The following LATS1 variants were observed in gnomAD, a reference collection of about 807,000 sequenced individuals.
LATS1 encodes serine/threonine-protein kinase LATS1.
In LATS1, 25 loss-of-function variants were observed where a neutral mutation model predicts 106.6. The observed-to-expected ratio is 0.23, with a 90% confidence interval of 0.17 to 0.33. The LOEUF (loss-of-function observed/expected upper bound fraction) is 0.33. LATS1 is among the 10% of genes least tolerant of loss of function. The pLI is 1.00. For synonymous variants in LATS1, 465 were observed against 455.6 expected (o/e 1.02, Z -0.26); for missense variants, 1,040 against 1,382.6 (o/e 0.75, Z 3.93).
At chr6:149,677,568 T>C (rs1347251672) in intron 5 of LATS1, among the ~76,000 whole-genome samples, 2 of 152,072 alleles carry the variant, frequency 1.3e-5, no homozygotes, top group African/African-American at 2.4e-5. Context: ...TTATGGGTCA[T>C]GTGAAGTTTG....
chr6:149,691,991 T>C (rs2114883557), intron 3 of LATS1, among the ~76,000 whole-genome samples: 1 of 152,318 alleles, frequency 6.6e-6, no homozygotes. Context: ...AATTCATTTA[T>C]TTTCTTCACT....
At position 149,660,354 on chromosome 6, in the gene LATS1, T is replaced by C. The variant is rs1473567560; in HGVS notation, c.*1375A>G. 4.3e-6 allele frequency: 1 copy of C among 232,978 alleles called. No homozygotes were observed. The highest frequency in any genetic ancestry group is 2.2e-5 in the African/African-American group (1 of 45,342). 14.4% of individuals were successfully genotyped at this position (232,978 alleles called of 1,614,324 possible). ...CCAATTCAACTGCAACAGCTCTGCC[T>C]TTAATTTTACTACATATACGGTTTC... On this transcript the variant is annotated 3_prime_UTR_variant, in exon 8 of 8. Transcript: ENST00000543571.
rs1434136178 is a variant in LATS1, at chr6:149,683,644, G to C, written c.1445C>G (p.Ser482Cys). ...RASHSANSQP[S>C]ATTVTAITPA... ...TGTAATTGCAGTGACTGTTGTAGCA[G>C]AAGGCTGAGAATTAGCAGAGTGACT... The change falls in exon 4 of 8, where the codon TCT becomes TGT. Residue 482 changes from serine (S) to cysteine (C), a missense_variant. Ser to Cys is a moderately radical substitution (Grantham distance 112). Around this residue, in one of 7 missense-constraint regions of LATS1, gnomAD observed 624 missense variants for 714.8 expected, o/e 0.87. Transcript: ENST00000543571. 6.2e-7 allele frequency: 1 copy of C among 1,614,182 alleles called. No individual in the cohort carries two copies. The highest frequency in any genetic ancestry group is 8.5e-7 in the Non-Finnish European group (1 of 1,180,032).
rs1337295247 is a variant in LATS1, at chr6:149,660,581, T to G, written c.*1148A>C. 1.7e-5 allele frequency: 4 copies of G among 232,706 alleles called. No homozygotes were observed. The highest frequency in any genetic ancestry group is 8.8e-5 in the African/African-American group (4 of 45,336). The allele number at this position is 232,706 out of a possible 1,614,324, so 14.4% of individuals were successfully genotyped here. ...AAGATAAGCTACATGTATTTTGGTA[T>G]GAAACCTTAATCTTCCTTAGAACCT... On this transcript the variant is annotated 3_prime_UTR_variant, in exon 8 of 8. Transcript: ENST00000543571.
intron 3 of LATS1, among the ~76,000 whole-genome samples, chr6:149,686,994 G>A (rs1025870901): frequency 1.3e-5 from 2 of 151,972 alleles, no homozygotes; most frequent in Admixed American, 6.6e-5. Context: ...AGGTTTATAC[G>A]CTTATACTCC....
Position 149,683,280 on chromosome 6 carries a change from C to A in LATS1, c.1809G>T (p.Gly603=), listed in dbSNP as rs1204395908. ...SEKSYENVDS[G]DKEKKQITTS... ...TTGTAATCTGTTTCTTTTCTTTATC[C>A]CCACTATCAACATTTTCATAACTCT... Residue 603 remains glycine, a synonymous_variant, in exon 4 of 8, where the codon GGG becomes GGT. Transcript: ENST00000543571. 3 of 1,613,890 alleles carry A rather than the reference C, an allele frequency of 1.9e-6. No individual in the cohort carries two copies. The highest frequency in any genetic ancestry group is 1.3e-5 in the African/African-American group (1 of 74,964).
intron 1 of LATS1, among the ~76,000 whole-genome samples, chr6:149,715,522 T>C (rs901549184): frequency 7.2e-5 from 11 of 152,348 alleles, no homozygotes; most frequent in Non-Finnish European, 1.5e-4. Flanking sequence ...ATGTTCATTT[T>C]ATTATGCCTC....
chr6:149,696,559 TAAAAAAAA>T lies in LATS1; in HGVS notation c.349-1346_349-1339del, dbSNP rs372769091. The stretch of plus-strand genomic sequence containing the variant: ...GGGCAACAAGAGTAAAACTCCGTCT[TAAAAAAAA>T]AAAAAAAAAAAAAAAAAAAGAACTA... On this transcript the variant is annotated intron_variant, in intron 2 of 7. Coordinates refer to ENST00000543571, the MANE Select transcript of LATS1 (RefSeq NM_004690.4). Among the ~76,000 whole-genome samples, 62 of 45,818 alleles carry T rather than the reference TAAAAAAAA, an allele frequency of 1.4e-3. 1 individual carries two copies. Among genetic ancestry groups the T allele is most frequent in the African/African-American group, 5.1e-3 (57 of 11,090 alleles). 30.1% of individuals were successfully genotyped at this position (45,818 alleles called of 152,430 possible). A position where few individuals can be genotyped will look rare whatever the true frequency, so the allele number is the denominator to read the frequency against.
chr6:149,690,292 C>T (rs1782667793), intron 3 of LATS1, among the ~76,000 whole-genome samples: 1 of 149,510 alleles, frequency 6.7e-6, no homozygotes, highest in South Asian at 2.1e-4. Flanking sequence ...CGGCTCACCG[C>T]AATCTCTGCC....
rs752427484 is a variant in LATS1 at position 149,676,721 on chromosome 6, T to C, written c.2610A>G (p.Gln870=). 7 of 1,612,526 alleles carry C rather than the reference T, an allele frequency of 4.3e-6. No individual in the cohort carries two copies. The South Asian group carries it at 7.7e-5, about 18-fold the overall frequency. ...KYYQSGDHPR[Q]DSMDFSNEWG... Reference sequence around the variant, plus strand: ...ATTCATTACTGAAATCCATGCTATCTTGCCGTGGATGGTCACCTGCACAAC... The same window carrying C: ...ATTCATTACTGAAATCCATGCTATCCTGCCGTGGATGGTCACCTGCACAAC... The change falls in exon 6 of 8, where the codon CAA becomes CAG. Residue 870 remains glutamine (Q), a synonymous_variant. Coordinates refer to ENST00000543571, the MANE Select transcript of LATS1 (RefSeq NM_004690.4).
chr6:149,717,162 A>T (rs867191148), intron 1 of LATS1, among the ~76,000 whole-genome samples: 5 of 152,226 alleles, frequency 3.3e-5, no homozygotes, highest in South Asian at 4.1e-4. Context: ...ATATGAGTTG[A>T]CAAACATTAA....
At chr6:149,714,075 G>A (rs552186348) in intron 1 of LATS1, among the ~76,000 whole-genome samples, 1 of 151,566 alleles carries the variant, frequency 6.6e-6, no homozygotes, top group South Asian at 2.1e-4. Flanking sequence ...AAGTTCAAGT[G>A]ATTCTCATGC....
In LATS1 at chr6:149,684,114, A is replaced by G. The variant is rs56246065; in HGVS notation, c.975T>C (p.Val325=). ...TCTGCATGATGATTGGTTGTCTGCC[A>G]ACAGGAACAGAACTAATGCCTCTCT... is the stretch of plus-strand genomic sequence containing the variant. The part of the protein sequence containing the change: ...QGQRGISSVP[V]GRQPIIMQSS... Residue 325 remains valine (V), a synonymous_variant, in exon 4 of 8, where the codon GTT becomes GTC. Coordinates refer to ENST00000543571, the MANE Select transcript of LATS1 (RefSeq NM_004690.4). 0.019 allele frequency: 30,524 copies of G among 1,614,232 alleles called. 339 individuals are homozygous for G. The highest frequency in any genetic ancestry group is 0.021 in the Non-Finnish European group (25,159 of 1,180,026).
Position 149,702,072 on chromosome 6 carries a change from GA to G in LATS1, c.54del (p.Pro19LeufsTer36). On this transcript the variant is annotated frameshift_variant, in exon 2 of 8. Coordinates refer to ENST00000543571, the MANE Select transcript of LATS1 (RefSeq NM_004690.4). LOFTEE classifies it high-confidence loss of function. Reference sequence around the variant, plus strand: ...CTACTGACAGTATAGTTACTGGCAGGAAAGGTCTTAGGCCTCATTTGTCTAT... The same window carrying G: ...CTACTGACAGTATAGTTACTGGCAGGAAGGTCTTAGGCCTCATTTGTCTAT... ...EGYRQMRPKTFPASNYTVSSR... is the reference protein window; with the variant it reads ...EGYRQMRPKTXPASNYTVSSR... 1.9e-6 allele frequency: 3 copies of G among 1,614,074 alleles called. No individual in the cohort carries two copies. The highest frequency in any genetic ancestry group is 2.5e-6 in the Non-Finnish European group (3 of 1,180,022).
intron 1 of LATS1, among the ~76,000 whole-genome samples, chr6:149,709,668 CTT>C (rs142425039): frequency 1.3e-4 from 10 of 75,502 alleles, no homozygotes; most frequent in African/African-American, 4.9e-4. Context: ...AACCCCTTAT[CTT>C]TTTTTTTTTT....
intron 2 of LATS1, among the ~76,000 whole-genome samples, chr6:149,698,184 G>A (rs1783207968): frequency 6.6e-6 from 1 of 151,468 alleles, no homozygotes; most frequent in Non-Finnish European, 1.5e-5. Context: ...TTAAGTGGAG[G>A]TGTTAGTGCC....
intron 3 of LATS1, among the ~76,000 whole-genome samples, chr6:149,692,705 G>A (rs139355020): frequency 2.7e-5 from 4 of 146,844 alleles, no homozygotes; most frequent in Non-Finnish European, 6.0e-5. Flanking sequence ...AGGGAGTTTC[G>A]ATCTTGTTGC....
intron 6 of LATS1, 78 bp downstream of exon 6, chr6:149,676,477 G>C (rs990448721): frequency 7.1e-7 from 1 of 1,416,328 alleles, no homozygotes; most frequent in South Asian, 1.3e-5. Context: ...TTATAAGCCT[G>C]AAAAATAAGG....
intron 1 of LATS1, among the ~76,000 whole-genome samples, chr6:149,706,591 T>C (rs920003129): frequency 6.6e-6 from 1 of 152,226 alleles, no homozygotes; most frequent in African/African-American, 2.4e-5. Context: ...ATGCTGCAGA[T>C]GTGATTAAGG....
Sources: gnomAD v4.1 joint callset for allele counts (sites outside exome capture counted in the v4.1 genomes callset) on GRCh38, gnomAD v4.1.1 for gene constraint, gnomAD v4.1.1 regional missense constraint, MANE v1.5 for transcripts, NCBI Gene and HGNC (gene_info 2026-07-23, HGNC 2026-07-21) for gene names.